The following KIF26B variants were observed in gnomAD, a reference collection of about 807,000 sequenced individuals.
KIF26B encodes kinesin family member 26B.
KIF26B carries 63 observed loss-of-function variants against 151.2 expected under a neutral mutation model. The ratio of observed to expected loss-of-function variants is 0.42; its 90% CI spans 0.34 to 0.51. The LOEUF is 0.51. Ranked by LOEUF, KIF26B falls within the 20% of genes least tolerant of loss-of-function variation. The pLI is 0.07. For missense variants in KIF26B, 2,813 were observed against 2,913.6 expected (o/e 0.97, Z 0.79); for synonymous variants, 1,357 against 1,262.1 (o/e 1.08, Z -1.59).
chr1:245,179,516 C>G (rs536301463), intron 2 of KIF26B, among the ~76,000 whole-genome samples: 2 of 152,010 alleles, frequency 1.3e-5, no homozygotes, highest in East Asian at 3.9e-4. Context: ...CCCAGCTACT[C>G]GGGAGGCTGA....
At chr1:245,614,792 G>A (rs1016161517) in intron 9 of KIF26B, 1 of 152,264 alleles carries the variant, frequency 6.6e-6, no homozygotes, top group Non-Finnish European at 1.5e-5. Flanking sequence ...ATGTATTCTT[G>A]GTAACAGGCT....
intron 3 of KIF26B, among the ~76,000 whole-genome samples, chr1:245,402,033 G>A (rs1177743455): frequency 6.6e-6 from 1 of 152,180 alleles, no homozygotes; most frequent in Non-Finnish European, 1.5e-5. Flanking sequence ...CTGGCCTGTG[G>A]GTAAGGAGGA....
At chr1:245,586,364 G>T (rs2043224031) in intron 5 of KIF26B, among the ~76,000 whole-genome samples, 4 of 152,146 alleles carry the variant, frequency 2.6e-5, no homozygotes, top group Admixed American at 2.6e-4. Context: ...AGTTGGTGGT[G>T]TTATTAGCAT....
At chr1:245,290,598 T>G (rs1002158701) in intron 2 of KIF26B, among the ~76,000 whole-genome samples, 2 of 152,214 alleles carry the variant, frequency 1.3e-5, no homozygotes, top group African/African-American at 4.8e-5. Context: ...CAGAGGTCAC[T>G]CTCGTGGCCA....
chr1:245,324,318 T>C (rs1016504289), intron 2 of KIF26B, among the ~76,000 whole-genome samples: 3 of 152,142 alleles, frequency 2.0e-5, no homozygotes, highest in African/African-American at 7.2e-5. Context: ...GGAAAAAATA[T>C]CAGAATATAT....
intron 2 of KIF26B, among the ~76,000 whole-genome samples, chr1:245,337,033 A>C (rs1449465775): frequency 1.3e-5 from 2 of 152,210 alleles, no homozygotes; most frequent in African/African-American, 4.8e-5. Flanking sequence ...GAGGCGGGAA[A>C]TGAGGTACAA....
At chr1:245,444,178 T>TCATCTCCCTCACTGTTCACCTAGAGGAGA (rs1659194355) in intron 4 of KIF26B, among the ~76,000 whole-genome samples, 3 of 125,600 alleles carry the variant, frequency 2.4e-5, no homozygotes, top group Non-Finnish European at 3.4e-5. Context: ...TCACCTAGAG[T>TCATCTCCCTCACTGTTCACCTAGAGGAGA]GGTCATCTCC....
intron 2 of KIF26B, among the ~76,000 whole-genome samples, chr1:245,342,125 A>G (rs1007057492): frequency 6.6e-6 from 1 of 152,230 alleles, no homozygotes; most frequent in African/African-American, 2.4e-5. Context: ...CTTTGGCCGT[A>G]GACATTTAAT....
At chr1:245,381,787 G>C (rs1037575792) in intron 3 of KIF26B, among the ~76,000 whole-genome samples, 3 of 152,128 alleles carry the variant, frequency 2.0e-5, no homozygotes, top group African/African-American at 7.2e-5. Flanking sequence ...CCGTGAATCT[G>C]ACTGCTCTAT....
At chr1:245,174,737 T>A (rs1214854250) in intron 2 of KIF26B, among the ~76,000 whole-genome samples, 1 of 152,216 alleles carries the variant, frequency 6.6e-6, no homozygotes, top group Non-Finnish European at 1.5e-5. Flanking sequence ...GGACGCTTGA[T>A]GAGTGTCACC....
chr1:245,574,470 C>A (rs6699551), intron 5 of KIF26B, among the ~76,000 whole-genome samples: 13,788 of 152,066 alleles, frequency 0.091, 750 homozygotes, highest in Middle Eastern at 0.16. Context: ...AATAAGTGCC[C>A]AAGAAGCAAA....
intron 12 of KIF26B, among the ~76,000 whole-genome samples, chr1:245,692,689 T>C (rs1323938912): frequency 6.6e-6 from 1 of 152,240 alleles, no homozygotes; most frequent in Non-Finnish European, 1.5e-5. Context: ...GTACACATTA[T>C]TCTATATTCT....
At chr1:245,226,715 G>A (rs982924772) in intron 2 of KIF26B, among the ~76,000 whole-genome samples, 1 of 152,028 alleles carries the variant, frequency 6.6e-6, no homozygotes, top group Non-Finnish European at 1.5e-5. Context: ...CACCCGCCTC[G>A]GCCTCCCAAA....
At chr1:245,265,002 A>G (rs1485844955) in intron 2 of KIF26B, among the ~76,000 whole-genome samples, 4 of 149,446 alleles carry the variant, frequency 2.7e-5, no homozygotes, top group Admixed American at 6.7e-5. Flanking sequence ...GATCGAGACC[A>G]TCCTGGCTAA....
intron 2 of KIF26B, among the ~76,000 whole-genome samples, chr1:245,180,488 A>C (rs1257302631): frequency 2.0e-5 from 3 of 152,240 alleles, no homozygotes; most frequent in Non-Finnish European, 4.4e-5. Context: ...CAAATGAGGT[A>C]ATAATCTCTT....
At chr1:245,456,151 C>T (rs892688511) in intron 4 of KIF26B, among the ~76,000 whole-genome samples, 2 of 152,128 alleles carry the variant, frequency 1.3e-5, no homozygotes, top group Non-Finnish European at 2.9e-5. Flanking sequence ...ACATTTTCTT[C>T]ACTAACCTTA....
At chr1:245,504,239 A>G (rs1486873117) in intron 4 of KIF26B, among the ~76,000 whole-genome samples, 1 of 151,634 alleles carries the variant, frequency 6.6e-6, no homozygotes, top group Non-Finnish European at 1.5e-5. Flanking sequence ...TCCATTCTAG[A>G]GCTTCTCCTC....
intron 9 of KIF26B, among the ~76,000 whole-genome samples, chr1:245,612,616 C>A (rs2043539902): frequency 6.6e-6 from 1 of 152,182 alleles, no homozygotes; most frequent in Non-Finnish European, 1.5e-5. Context: ...TTTTTGTTCA[C>A]AGACCTCAAA....
At chr1:245,443,772 T>G (rs1418866754) in intron 4 of KIF26B, among the ~76,000 whole-genome samples, 1 of 101,448 alleles carries the variant, frequency 9.9e-6, no homozygotes, top group Non-Finnish European at 2.1e-5. Flanking sequence ...TCTCCCTCAC[T>G]GTTCACCCTG....
Sources: gnomAD v4.1 joint callset for allele counts (sites outside exome capture counted in the v4.1 genomes callset) on GRCh38, gnomAD v4.1.1 for gene constraint, MANE v1.5 for transcripts, NCBI Gene and HGNC (gene_info 2026-07-23, HGNC 2026-07-21) for gene names.